Variants in DRC9 observed in about 807,000 individuals in gnomAD.
DRC9 encodes the protein dynein regulatory complex protein 9.
chr3:197,931,544 G>T, the DRC9 span, among the ~76,000 whole-genome samples: 1 of 152,014 alleles, frequency 6.6e-6, no homozygotes, highest in Non-Finnish European at 1.5e-5. Context: ...AAATTGAAAG[G>T]TTCTGGAAAA....
chr3:197,926,095 CT>C, the DRC9 span: 8 of 1,532,696 alleles, frequency 5.2e-6, no homozygotes, highest in Non-Finnish European at 7.2e-6. Context: ...TGTTTTCTTC[CT>C]TTTTCCTCCC....
At chr3:197,955,829 A>G in the DRC9 span, 28 of 1,390,352 alleles carry the variant, frequency 2.0e-5, no homozygotes, top group Non-Finnish European at 2.9e-5. Context: ...TTTTAAGTGG[A>G]TTAAAAAACT....
At chr3:197,921,633 C>G in the DRC9 span, among the ~76,000 whole-genome samples, 2 of 151,952 alleles carry the variant, frequency 1.3e-5, no homozygotes, top group African/African-American at 4.8e-5. Flanking sequence ...GACCCGACTA[C>G]TGGTTTTCAG....
the DRC9 span, among the ~76,000 whole-genome samples, chr3:197,945,434 A>G: frequency 6.6e-6 from 1 of 152,188 alleles, no homozygotes; most frequent in Non-Finnish European, 1.5e-5. Context: ...AGCCAGCACC[A>G]TCCAGCTAAC....
chr3:197,906,020 A>T, the DRC9 span, among the ~76,000 whole-genome samples: 2 of 99,994 alleles, frequency 2.0e-5, no homozygotes, highest in Middle Eastern at 5.3e-3. Context: ...GTTGATGATT[A>T]AAAAAAAAAA....
the DRC9 span, among the ~76,000 whole-genome samples, chr3:197,914,728 A>G: frequency 6.6e-6 from 1 of 152,188 alleles, no homozygotes; most frequent in African/African-American, 2.4e-5. Flanking sequence ...ATTGTGCAAA[A>G]TGATAGAAAA....
chr3:197,922,713 A>AAAATAAATAAATAAAT, the DRC9 span, among the ~76,000 whole-genome samples: 131 of 100,964 alleles, frequency 1.3e-3, no homozygotes, highest in African/African-American at 5.7e-3. Context: ...CTCAAAAATA[A>AAAATAAATAAATAAAT]AAATAAATAA....
chr3:197,891,151 C>T, the DRC9 span, among the ~76,000 whole-genome samples: 1 of 152,210 alleles, frequency 6.6e-6, no homozygotes, highest in Non-Finnish European at 1.5e-5. Flanking sequence ...CTGTCAAGAG[C>T]TGGTTTTGGT....
the DRC9 span, among the ~76,000 whole-genome samples, chr3:197,937,350 T>C: frequency 6.6e-6 from 1 of 152,196 alleles, no homozygotes; most frequent in Non-Finnish European, 1.5e-5. Flanking sequence ...AATAGCTATA[T>C]AGTAGCTATT....
chr3:197,925,550 C>T, the DRC9 span, among the ~76,000 whole-genome samples: 380 of 151,322 alleles, frequency 2.5e-3, 2 homozygotes, highest in Middle Eastern at 0.045. Context: ...CCTGTACGAC[C>T]CAGGCCAGCT....
the DRC9 span, among the ~76,000 whole-genome samples, chr3:197,952,344 A>G: frequency 6.6e-6 from 1 of 150,720 alleles, no homozygotes; most frequent in Admixed American, 6.6e-5. Flanking sequence ...TAATTTTTGT[A>G]TATTTAGTAG....
the DRC9 span, among the ~76,000 whole-genome samples, chr3:197,908,021 G>A: frequency 7.7e-6 from 1 of 129,846 alleles, no homozygotes; most frequent in African/African-American, 2.9e-5. Flanking sequence ...TCACAGGGGT[G>A]GTGACTGTAC....
chr3:197,895,200 C>T, the DRC9 span, among the ~76,000 whole-genome samples: 1 of 152,136 alleles, frequency 6.6e-6, no homozygotes, highest in Non-Finnish European at 1.5e-5. Context: ...AGGCTCCAGA[C>T]AGGCAAAAAG....
At chr3:197,891,727 GTTCCCAAAAC>G in the DRC9 span, among the ~76,000 whole-genome samples, 1 of 152,052 alleles carries the variant, frequency 6.6e-6, no homozygotes. Flanking sequence ...CTTTATAATT[GTTCCCAAAAC>G]TTTTTCAGTT....
the DRC9 span, among the ~76,000 whole-genome samples, chr3:197,940,470 TTAATA>T: frequency 6.6e-6 from 1 of 152,130 alleles, no homozygotes; most frequent in East Asian, 1.9e-4. Flanking sequence ...ACCACGTATA[TTAATA>T]TATTTTTCAT....
At chr3:197,953,829 C>CAT in the DRC9 span, 1 of 679,502 alleles carries the variant, frequency 1.5e-6, no homozygotes, top group Non-Finnish European at 2.6e-6. Context: ...AAGGGCCTGG[C>CAT]ATACAATAGT....
chr3:197,918,052 C>G, the DRC9 span, among the ~76,000 whole-genome samples: 1 of 148,728 alleles, frequency 6.7e-6, no homozygotes, highest in African/African-American at 2.5e-5. Flanking sequence ...CCTCCTTCTT[C>G]CTCTTCCCTC....
chr3:197,929,303 C>T, the DRC9 span, among the ~76,000 whole-genome samples: 1 of 152,168 alleles, frequency 6.6e-6, no homozygotes, highest in Admixed American at 6.5e-5. This position sits in a 1 kb window ranked among gnomAD's most constrained non-coding sequence, Gnocchi z 4.6. Context: ...GTAGATTCTT[C>T]GAGAATGCTG....
At chr3:197,950,941 C>T in the DRC9 span, 9 of 1,613,892 alleles carry the variant, frequency 5.6e-6, no homozygotes, top group African/African-American at 4.0e-5. Flanking sequence ...TTAAGGCCTG[C>T]TGGGAACGGG....
Sources: allele counts gnomAD v4.1 joint callset (sites outside exome capture counted in the v4.1 genomes callset), GRCh38; gene constraint gnomAD v4.1.1; non-coding constraint Gnocchi (gnomAD v3.1); transcripts MANE v1.5; gene names NCBI Gene and HGNC (gene_info 2026-07-23, HGNC 2026-07-21).